PARN: variants seen among roughly 807,000 people sequenced by gnomAD.
PARN encodes the protein poly(A)-specific ribonuclease PARN.
Under a neutral mutation model 102.8 loss-of-function variants are expected in PARN, and 71 were observed. The ratio of observed to expected loss-of-function variants is 0.69; its 90% CI spans 0.57 to 0.84. PARN has a LOEUF of 0.84. Ranked by LOEUF, PARN falls within the 40% of genes least tolerant of loss-of-function variation. The pLI, the probability that PARN is intolerant of heterozygous loss-of-function variation, is 0.00. For missense variants in PARN, 782 were observed against 760.9 expected, an observed-to-expected ratio of 1.03 and a Z score of -0.33; for synonymous variants, 261 against 252.9, an observed-to-expected ratio of 1.03 and a Z score of -0.30.
At chr16:14,538,075 G>C (rs1473219406) in intron 21 of PARN, among the ~76,000 whole-genome samples, 1 of 152,044 alleles carries the variant, frequency 6.6e-6, no homozygotes, top group Non-Finnish European at 1.5e-5. Flanking sequence ...CAATGATCAT[G>C]TGTCAACTAA....
chr16:14,448,882 T>C (rs1015422405), intron 22 of PARN, among the ~76,000 whole-genome samples: 6 of 152,200 alleles, frequency 3.9e-5, no homozygotes, highest in Non-Finnish European at 5.9e-5. Flanking sequence ...TGAGGGACTA[T>C]AAGGGAGGAT....
chr16:14,487,131 CTT>C (rs1400104588), intron 21 of PARN, among the ~76,000 whole-genome samples: 2 of 152,262 alleles, frequency 1.3e-5, no homozygotes, highest in African/African-American at 4.8e-5. Context: ...GCGGTTGTCT[CTT>C]GACACTGCAC....
chr16:14,556,493 T>A (rs1298247860), intron 18 of PARN, among the ~76,000 whole-genome samples: 2 of 152,136 alleles, frequency 1.3e-5, no homozygotes, highest in Non-Finnish European at 2.9e-5. Flanking sequence ...GAAATTCATT[T>A]CAGAGATTTT....
At chr16:14,552,775 C>T (rs1967395764) in intron 20 of PARN, among the ~76,000 whole-genome samples, 1 of 152,000 alleles carries the variant, frequency 6.6e-6, no homozygotes. Flanking sequence ...ATGGAGAAAC[C>T]CCAACTCTGC....
chr16:14,476,564 T>A (rs909936667), intron 22 of PARN, among the ~76,000 whole-genome samples: 5 of 152,248 alleles, frequency 3.3e-5, no homozygotes, highest in African/African-American at 4.8e-5. Flanking sequence ...GCACAGTGGC[T>A]CGTGCCTGTA....
At chr16:14,510,488 A>G (rs891014622) in intron 21 of PARN, among the ~76,000 whole-genome samples, 5 of 152,192 alleles carry the variant, frequency 3.3e-5, no homozygotes, top group Admixed American at 2.0e-4. Context: ...ATTATATAGG[A>G]CTTTGTAAAA....
At chr16:14,518,291 CAAAAAAAAA>C (rs34169116) in intron 21 of PARN, among the ~76,000 whole-genome samples, 1 of 52,268 alleles carries the variant, frequency 1.9e-5, no homozygotes, top group African/African-American at 8.8e-5. Context: ...GACCCTGTCT[CAAAAAAAAA>C]AAAAAAAAAA....
At chr16:14,448,210 A>G (rs1215783036) in intron 22 of PARN, among the ~76,000 whole-genome samples, 1 of 151,232 alleles carries the variant, frequency 6.6e-6, no homozygotes, top group Non-Finnish European at 1.5e-5. Context: ...GTGCAGTGGC[A>G]CAATCTCAGC....
chr16:14,472,206 C>T (rs1037817969), intron 22 of PARN, among the ~76,000 whole-genome samples: 1 of 152,202 alleles, frequency 6.6e-6, no homozygotes, highest in African/African-American at 2.4e-5. Context: ...GTGTACATTA[C>T]ATGGTAAAAT....
chr16:14,473,779 T>C (rs1475104656), intron 22 of PARN, among the ~76,000 whole-genome samples: 1 of 152,192 alleles, frequency 6.6e-6, no homozygotes, highest in East Asian at 1.9e-4. Flanking sequence ...AGTGGACAGT[T>C]GTGGGTCTCA....
chr16:14,627,357 ATC>A (rs1972741033), intron 3 of PARN, 21 bp from the exon 4 acceptor site: 2 of 1,552,706 alleles, frequency 1.3e-6, no homozygotes, highest in Non-Finnish European at 1.8e-6. Context: ...GAAATAAAAC[ATC>A]TGTCACAAAA....
intron 21 of PARN, among the ~76,000 whole-genome samples, chr16:14,537,288 AAC>A (rs1487141916): frequency 5.9e-5 from 9 of 152,308 alleles, no homozygotes; most frequent in African/African-American, 1.9e-4. Flanking sequence ...ACAAAAAAAT[AAC>A]ACAGACTGGC....
intron 23 of PARN, among the ~76,000 whole-genome samples, chr16:14,438,966 T>C (rs1960830988): frequency 6.6e-6 from 1 of 152,172 alleles, no homozygotes; most frequent in African/African-American, 2.4e-5. Flanking sequence ...AACTGGCAGA[T>C]AAGAAGGTAT....
At chr16:14,564,225 T>A (rs977880913) in intron 18 of PARN, among the ~76,000 whole-genome samples, 2 of 152,140 alleles carry the variant, frequency 1.3e-5, no homozygotes, top group African/African-American at 4.8e-5. Context: ...AAAGCCCTTG[T>A]GTATATAAGA....
intron 13 of PARN, among the ~76,000 whole-genome samples, chr16:14,586,680 G>A (rs749094105): frequency 5.9e-5 from 9 of 152,162 alleles, no homozygotes; most frequent in Non-Finnish European, 1.3e-4. Flanking sequence ...TGAGAGGCCT[G>A]TAATAAAAGC....
At chr16:14,556,427 T>G (rs544285821) in intron 18 of PARN, among the ~76,000 whole-genome samples, 1 of 152,284 alleles carries the variant, frequency 6.6e-6, no homozygotes, top group Admixed American at 6.5e-5. Context: ...CCCAAAGTGT[T>G]GCAATTACAG....
chr16:14,558,050 A>G (rs1195993083), intron 18 of PARN, among the ~76,000 whole-genome samples: 1 of 152,234 alleles, frequency 6.6e-6, no homozygotes, highest in Non-Finnish European at 1.5e-5. Context: ...ATTGTTAGTC[A>G]TGCTTCATAT....
At chr16:14,442,983 CTTCAT>C (rs2151551922) in intron 23 of PARN, among the ~76,000 whole-genome samples, 1 of 152,294 alleles carries the variant, frequency 6.6e-6, no homozygotes, top group African/African-American at 2.4e-5. Flanking sequence ...GTAATGAATC[CTTCAT>C]TTCCTCTAAA....
chr16:14,552,816 C>T (rs765735519), intron 20 of PARN, among the ~76,000 whole-genome samples: 1 of 151,908 alleles, frequency 6.6e-6, no homozygotes, highest in African/African-American at 2.4e-5. Flanking sequence ...GGCATGGTGG[C>T]GCATGCCTGT....
Sources: gnomAD v4.1 joint callset for allele counts (sites outside exome capture counted in the v4.1 genomes callset) on GRCh38, gnomAD v4.1.1 for gene constraint, MANE v1.5 for transcripts, NCBI Gene and HGNC (gene_info 2026-07-23, HGNC 2026-07-21) for gene names.